RCBTB2: variants seen among roughly 807,000 people sequenced by gnomAD.
RCBTB2 encodes RCC1 and BTB domain-containing protein 2.
RCBTB2 carries 55 observed loss-of-function variants against 65.4 expected under a neutral mutation model. That is an observed-to-expected ratio of 0.84 (90% CI 0.68 to 1.05). The LOEUF (loss-of-function observed/expected upper bound fraction) is 1.05. Among genes scored for constraint, RCBTB2 ranks in the 50% least tolerant of loss-of-function variants. The probability of loss-of-function intolerance (pLI) is 0.00; values close to 1 mark genes in which losing one functional copy is unlikely to be tolerated. For synonymous variants in RCBTB2, 220 were observed against 255.2 expected (o/e 0.86, Z 1.31); for missense variants, 599 against 680.1 (o/e 0.88, Z 1.33).
intron 11 of RCBTB2, among the ~76,000 whole-genome samples, chr13:48,502,456 G>A (rs975670423): frequency 8.6e-5 from 13 of 151,262 alleles, no homozygotes; most frequent in African/African-American, 2.2e-4. Flanking sequence ...TTGCACCACC[G>A]CACTCCAGCC....
Position 48,515,748 on chromosome 13 carries a change from A to T in RCBTB2, c.43-7T>A, listed in dbSNP as rs749478396. The T allele has an allele frequency of 1.1e-5, 17 of 1,588,994 alleles. No individual in the cohort carries two copies. Among genetic ancestry groups the T allele is most frequent in the African/African-American group, 1.4e-5 (1 of 72,986 alleles). On this transcript the variant is annotated splice_polypyrimidine_tract_variant and splice_region_variant and intron_variant, in intron 4 of 14. Transcript: ENST00000344532. ...ACAGAGTAGCCTGTACTGGCTGAAA[A>T]GGAAAAAATATATGTTGAAATGACA...
intron 14 of RCBTB2, among the ~76,000 whole-genome samples, chr13:48,493,340 CT>C (rs1555297909): frequency 4.2e-4 from 52 of 123,586 alleles, no homozygotes; most frequent in South Asian, 1.0e-3. Flanking sequence ...CTCTCTCTCT[CT>C]TCTCTTCTCT....
chr13:48,493,584 T>C (rs1949842618), intron 14 of RCBTB2, among the ~76,000 whole-genome samples: 1 of 151,888 alleles, frequency 6.6e-6, no homozygotes, highest in Non-Finnish European at 1.5e-5. Flanking sequence ...CCTCATCAGC[T>C]ACTTCCCTCC....
At chr13:48,516,646 G>A (rs1951107276) in intron 4 of RCBTB2, among the ~76,000 whole-genome samples, 1 of 152,082 alleles carries the variant, frequency 6.6e-6, no homozygotes, top group Admixed American at 6.5e-5. Flanking sequence ...CATCTGCATT[G>A]ACCCCATTTC....
rs9332045 is a variant in RCBTB2 at position 48,501,875 on chromosome 13, G to T, written c.1118-7C>A. 5,877 of 1,612,398 alleles carry T rather than the reference G, an allele frequency of 3.6e-3. 18 individuals carry two copies. The highest frequency in any genetic ancestry group is 4.7e-3 in the Non-Finnish European group (5,527 of 1,179,294). ...GTGAGGTGGTCATCAGGTTCTAGGA[G>T]AATAATGCAAATGCTTCCAGAGTTA... On this transcript the variant is annotated splice_polypyrimidine_tract_variant and splice_region_variant and intron_variant, in intron 11 of 14. Transcript: ENST00000344532.
At chr13:48,491,299 AT>A (rs1184254227) in intron 14 of RCBTB2, among the ~76,000 whole-genome samples, 1 of 152,114 alleles carries the variant, frequency 6.6e-6, no homozygotes, top group Non-Finnish European at 1.5e-5. Flanking sequence ...CCTACGGTAC[AT>A]TTTCTTTTAA....
At chr13:48,519,369 C>T (rs1286856713) in intron 4 of RCBTB2, among the ~76,000 whole-genome samples, 2 of 152,184 alleles carry the variant, frequency 1.3e-5, no homozygotes, top group Admixed American at 6.5e-5. Context: ...TTTTATATTT[C>T]GTCCTGCTCT....
In RCBTB2 at chr13:48,502,776, G is replaced by A. The variant is rs199845827; in HGVS notation, c.1065C>T (p.Asp355=). 4.3e-5 allele frequency: 70 copies of A among 1,613,920 alleles called. No homozygotes were observed. The highest frequency in any genetic ancestry group is 2.0e-4 in the East Asian group (9 of 44,856). ...CGGGCGTGGCAAAGCAGGCAAACAC[G>A]TCGTCAGTGCAGGAGAAGTGGGTGA... ...PHLTHFSCTD[D]VFACFATPAV... Residue 355 remains aspartate, a synonymous_variant, in exon 11 of 15, where the codon GAC becomes GAT. Coordinates refer to ENST00000344532, the MANE Select transcript of RCBTB2 (RefSeq NM_001268.4).
At chr13:48,518,994 T>C (rs552312848) in intron 4 of RCBTB2, among the ~76,000 whole-genome samples, 36 of 152,188 alleles carry the variant, frequency 2.4e-4, no homozygotes, top group Non-Finnish European at 2.9e-5. Context: ...GTCTATATCT[T>C]ATATCTTATT....
intron 7 of RCBTB2, among the ~76,000 whole-genome samples, 173 bp downstream of exon 7, chr13:48,512,556 G>A (rs184784769): frequency 3.3e-5 from 5 of 152,214 alleles, no homozygotes; most frequent in African/African-American, 9.6e-5. Flanking sequence ...ACCTTACTAC[G>A]TACAGGTAAA....
chr13:48,491,605 T>A (rs114083040), intron 14 of RCBTB2: 1 of 152,206 alleles, frequency 6.6e-6, no homozygotes, highest in Non-Finnish European at 1.5e-5. Flanking sequence ...TAGAGATGCA[T>A]CATCTCTTTG....
intron 12 of RCBTB2, 139 bp downstream of exon 12, chr13:48,501,603 C>G: frequency 1.5e-6 from 1 of 650,208 alleles, no homozygotes; most frequent in Middle Eastern, 4.2e-4. Flanking sequence ...TATTTCTCCC[C>G]GCTCCACTGT....
At chr13:48,527,217 T>C (rs1951790024) in intron 1 of RCBTB2, among the ~76,000 whole-genome samples, 2 of 150,644 alleles carry the variant, frequency 1.3e-5, no homozygotes, top group Middle Eastern at 3.4e-3. Context: ...TCATCTCATA[T>C]CATCTTACTA....
chr13:48,515,101 T>C (rs1440152767), intron 6 of RCBTB2, 104 bp downstream of exon 6: 6 of 1,053,288 alleles, frequency 5.7e-6, no homozygotes, highest in East Asian at 4.8e-5. Context: ...ATCCAAAACA[T>C]AGTCAATTTC....
intron 14 of RCBTB2, 23 bp downstream of exon 14, chr13:48,496,168 A>G: frequency 7.0e-7 from 1 of 1,427,278 alleles, no homozygotes. Context: ...GGAGGCCGGC[A>G]GCTGGAAGCA....
intron 13 of RCBTB2, among the ~76,000 whole-genome samples, chr13:48,498,714 G>A (rs1950087429): frequency 6.6e-6 from 1 of 150,422 alleles, no homozygotes; most frequent in South Asian, 2.1e-4. Context: ...TGGGCAACAA[G>A]AGTGAAACTC....
intron 12 of RCBTB2, among the ~76,000 whole-genome samples, chr13:48,500,693 A>G (rs977376075): frequency 1.3e-5 from 2 of 152,236 alleles, no homozygotes; most frequent in Admixed American, 6.5e-5. Flanking sequence ...GCTAGGAAAG[A>G]GGCAGGAACA....
At position 48,490,111 on chromosome 13, in the gene RCBTB2, T is replaced by A; in HGVS notation, c.1656A>T (p.Ter552CysextTer8). Reference protein sequence around the residue: ...KASRVGAFKN* With the variant: ...KASRVGAFKNC Reference sequence around the variant, plus strand: ...CTCAAAAACTTTCCTGCAGATGGGATCAATTTTTAAAGGCTCCAACTCTGC... The same window carrying A: ...CTCAAAAACTTTCCTGCAGATGGGAACAATTTTTAAAGGCTCCAACTCTGC... Residue 552 changes from the stop codon to cysteine (C), a stop_lost, in exon 15 of 15, where the codon TGA becomes TGT. Coordinates refer to ENST00000344532, the MANE Select transcript of RCBTB2 (RefSeq NM_001268.4). 1 of 1,613,988 alleles carries A rather than the reference T, an allele frequency of 6.2e-7. No individual in the cohort carries two copies. The highest frequency in any genetic ancestry group is 8.5e-7 in the Non-Finnish European group (1 of 1,179,916).
intron 1 of RCBTB2, among the ~76,000 whole-genome samples, chr13:48,527,305 A>T (rs1445444797): frequency 9.9e-6 from 1 of 101,090 alleles, no homozygotes; most frequent in African/African-American, 3.8e-5. Context: ...TTGTTTTGGG[A>T]TATATGACTT....
Sources: gnomAD v4.1 joint callset for allele counts (sites outside exome capture counted in the v4.1 genomes callset) on GRCh38, gnomAD v4.1.1 for gene constraint, MANE v1.5 for transcripts, NCBI Gene and HGNC (gene_info 2026-07-23, HGNC 2026-07-21) for gene names.